Variants in CEMIP2 observed in about 807,000 individuals in gnomAD.
CEMIP2 encodes the protein cell surface hyaluronidase CEMIP2.
In CEMIP2, 79 loss-of-function variants were observed where a neutral mutation model predicts 146.9. The ratio of observed to expected loss-of-function variants is 0.54; its 90% confidence interval spans 0.45 to 0.65. CEMIP2 has a LOEUF of 0.65. Among genes scored for constraint, CEMIP2 ranks in the 30% least tolerant of loss-of-function variants. The pLI, the probability that CEMIP2 is intolerant of heterozygous loss-of-function variation, is 0.00. For synonymous variants in CEMIP2, 601 were observed against 606.3 expected (o/e 0.99, Z 0.13); for missense variants, 1,596 against 1,696.2 (o/e 0.94, Z 1.04).
At chr9:71,714,784 G>T in intron 15 of CEMIP2, 150 bp downstream of exon 15, 1 of 697,712 alleles carries the variant, frequency 1.4e-6, no homozygotes, top group Non-Finnish European at 2.2e-6. Flanking sequence ...AGCAGTAGCA[G>T]CTGTAGCAGT....
upstream of CEMIP2, among the ~76,000 whole-genome samples, chr9:71,769,308 C>G (rs1824900387): frequency 6.6e-6 from 1 of 152,210 alleles, no homozygotes; most frequent in African/African-American, 2.4e-5. Context: ...CTTTGAGCCC[C>G]ATCACCCGTA....
chr9:71,754,573 TAC>T lies in CEMIP2; in HGVS notation c.-12-4190_-12-4189del, dbSNP rs1360969492. Among the ~76,000 whole-genome samples the T allele has an allele frequency of 1.1e-4, 17 of 152,304 alleles. No individual in the cohort carries two copies. In the East Asian group the frequency reaches 3.3e-3, roughly 29 times the overall value. Reference sequence around the variant, plus strand: ...TTTTATGACACATTTTTAGACAAACTACAGACTGTGACAACACCTAAAATAAG... The same window carrying T: ...TTTTATGACACATTTTTAGACAAACTAGACTGTGACAACACCTAAAATAAG... On this transcript the variant is annotated intron_variant, in intron 1 of 23. Coordinates refer to ENST00000377044, the MANE Select transcript of CEMIP2 (RefSeq NM_013390.3).
chr9:71,728,279 A>C (rs7874229), intron 10 of CEMIP2, among the ~76,000 whole-genome samples: 2 of 14,730 alleles, frequency 1.4e-4, no homozygotes, highest in African/African-American at 1.6e-4. Context: ...ATATATATAT[A>C]TGTATATATA....
chr9:71,718,136 TAGTTATA>T, intron 12 of CEMIP2, 57 bp from the exon 13 acceptor site: 1 of 1,467,780 alleles, frequency 6.8e-7, no homozygotes, highest in South Asian at 1.5e-5. Context: ...AGGAATTAGC[TAGTTATA>T]AGTTTAAGTG....
chr9:71,730,711 G>A lies in CEMIP2; in HGVS notation c.1767C>T (p.Gly589=). 1 of 1,614,158 alleles carries A rather than the reference G, an allele frequency of 6.2e-7. No homozygotes were observed. The highest frequency in any genetic ancestry group is 8.5e-7 in the Non-Finnish European group (1 of 1,180,016). The change falls in exon 8 of 24, where the codon GGC becomes GGT. Residue 589 remains glycine, a synonymous_variant. Transcript: ENST00000377044. ...CTAATGCGAGGCTACTTACTAGCAA[G>A]CCATTTGTCCCATGCACAGTGATGC... ...SRCITVHGTN[G]LLIKDTIGFD...
At chr9:71,723,322 G>C (rs530917381) in intron 11 of CEMIP2, among the ~76,000 whole-genome samples, 2 of 148,638 alleles carry the variant, frequency 1.3e-5, no homozygotes, top group East Asian at 4.0e-4. Context: ...AAACACTGTA[G>C]CTATAAAATG....
At chr9:71,732,131 A>T (rs1426578718) in intron 7 of CEMIP2, among the ~76,000 whole-genome samples, 2 of 152,032 alleles carry the variant, frequency 1.3e-5, no homozygotes, top group African/African-American at 4.8e-5. Flanking sequence ...TTGACTCTTC[A>T]TGGAACAATT....
chr9:71,692,710 A>C (rs966456242), intron 21 of CEMIP2, among the ~76,000 whole-genome samples: 27 of 152,162 alleles, frequency 1.8e-4, no homozygotes, highest in Admixed American at 1.4e-3. Flanking sequence ...GGAGTTCAAG[A>C]CTAGCCTGAG....
At chr9:71,727,777 G>C (rs1330744120) in intron 10 of CEMIP2, among the ~76,000 whole-genome samples, 1 of 152,136 alleles carries the variant, frequency 6.6e-6, no homozygotes, top group Non-Finnish European at 1.5e-5. Flanking sequence ...GATTCATTTA[G>C]TGGATGGGTA....
At position 71,700,645 on chromosome 9, in the gene CEMIP2, G is replaced by T; in HGVS notation, c.3374C>A (p.Thr1125Lys). Residue 1125 changes from threonine to lysine, a missense_variant, in exon 19 of 24, where the codon ACG (threonine) becomes AAG (lysine). Transcript: ENST00000377044. ...TTCCCTGGTTTCACTGAATTACCCC[G>T]TGCTGGAGTCAAAATAGAATTTCCT... ...SERKFYFDSS[T>K]GLLFLYLKAK... 1 of 1,596,970 alleles carries T rather than the reference G, an allele frequency of 6.3e-7. No homozygotes were observed. The highest frequency in any genetic ancestry group is 1.1e-5 in the South Asian group (1 of 88,042).
In CEMIP2 at chr9:71,745,504, T is replaced by A; in HGVS notation, c.548A>T (p.Asp183Val). 1 of 1,613,894 alleles carries A rather than the reference T, an allele frequency of 6.2e-7. No homozygotes were observed. Among genetic ancestry groups the A allele is most frequent in the Non-Finnish European group, 8.5e-7 (1 of 1,180,008 alleles). ...TGCTCCAATATGAAGCGCCCCACCA[T>A]CCTGGATCAGGATGTAATGAGTCCT... is the stretch of plus-strand genomic sequence containing the variant. The part of the protein sequence containing the change: ...TLRTHYILIQ[D>V]GGALHIGAEK... The change falls in exon 4 of 24, where the codon GAT becomes GTT. Residue 183 changes from aspartate (D) to valine (V), a missense_variant. Asp to Val is a radical substitution (Grantham distance 152, BLOSUM62 -3). Transcript: ENST00000377044.
Position 71,729,884 on chromosome 9 carries a change from G to T in CEMIP2, c.2010C>A (p.Pro670=), listed in dbSNP as rs778006581. 6.8e-6 allele frequency: 11 copies of T among 1,613,986 alleles called. No homozygotes were observed. The Admixed American group carries it at 1.8e-4, about 27-fold the overall frequency. Residue 670 remains proline (P), a synonymous_variant, in exon 10 of 24, where the codon CCC becomes CCA. Transcript: ENST00000377044. ...MAVSTFWIAH[P]NNNLINNAAA... ...CTGCATTATTAATCAGATTATTGTT[G>T]GGATGAGCAATCCAGAAAGTTGAAA...
intron 4 of CEMIP2, among the ~76,000 whole-genome samples, chr9:71,740,668 C>A (rs905140335): frequency 1.3e-5 from 2 of 152,144 alleles, no homozygotes; most frequent in Admixed American, 1.3e-4. Context: ...TATATCAATG[C>A]ACAGACCCCA....
chr9:71,728,281 G>GTGTATA (rs1257254971), intron 10 of CEMIP2, among the ~76,000 whole-genome samples: 101 of 9,244 alleles, frequency 0.011, 9 homozygotes, highest in Middle Eastern at 0.062. Context: ...ATATATATAT[G>GTGTATA]TATATATATA....
intron 17 of CEMIP2, among the ~76,000 whole-genome samples, chr9:71,706,189 A>G (rs1822731973): frequency 6.6e-6 from 1 of 150,908 alleles, no homozygotes; most frequent in Admixed American, 6.6e-5. Flanking sequence ...AGATAGCACT[A>G]TTGCACTCCA....
At chr9:71,691,805 A>T (rs561352862) in intron 21 of CEMIP2, among the ~76,000 whole-genome samples, 7 of 151,138 alleles carry the variant, frequency 4.6e-5, no homozygotes, top group South Asian at 4.2e-4. Context: ...ACACTGTCTT[A>T]AAAAAAAAGC....
intron 21 of CEMIP2, among the ~76,000 whole-genome samples, chr9:71,692,299 T>A (rs937743266): frequency 2.3e-5 from 3 of 132,688 alleles, no homozygotes; most frequent in African/African-American, 6.6e-5. Context: ...TGCCTGATAT[T>A]TTTTTTTTTT....
intron 22 of CEMIP2, chr9:71,686,910 T>A (rs955005820): frequency 2.0e-5 from 3 of 152,222 alleles, no homozygotes; most frequent in Non-Finnish European, 4.4e-5. Flanking sequence ...AGTTCTATTA[T>A]CTATTTATTA....
At chr9:71,692,813 G>A (rs1822271612) in intron 21 of CEMIP2, among the ~76,000 whole-genome samples, 1 of 151,956 alleles carries the variant, frequency 6.6e-6, no homozygotes, top group Non-Finnish European at 1.5e-5. Flanking sequence ...TACGTGGGAG[G>A]ATCAATTTAG....
Sources: allele counts gnomAD v4.1 joint callset (sites outside exome capture counted in the v4.1 genomes callset), GRCh38; gene constraint gnomAD v4.1.1; transcripts MANE v1.5; gene names NCBI Gene and HGNC (gene_info 2026-07-23, HGNC 2026-07-21).